Variants in WASF1 observed in about 807,000 individuals in gnomAD.
The protein encoded by WASF1 is WASP family member 1.
Under a neutral mutation model 50.5 loss-of-function variants are expected in WASF1, and 7 were observed. That is an observed-to-expected ratio of 0.14 (90% confidence interval 0.08 to 0.26). WASF1 has a LOEUF of 0.26. WASF1 is among the 10% of genes least tolerant of loss of function. WASF1 has a pLI of 1.00. For synonymous variants in WASF1, 205 were observed against 244.0 expected (o/e 0.84, Z 1.49); for missense variants, 470 against 694.7 (o/e 0.68, Z 3.64).
intron 3 of WASF1, among the ~76,000 whole-genome samples, chr6:110,158,539 C>G (rs1337363739): frequency 7.6e-6 from 1 of 130,870 alleles, no homozygotes; most frequent in Non-Finnish European, 1.6e-5. Context: ...TGAAGAGGAT[C>G]CTATTCGGCC....
intron 4 of WASF1, among the ~76,000 whole-genome samples, chr6:110,117,663 C>T (rs1016713031): frequency 6.6e-6 from 1 of 152,036 alleles, no homozygotes; most frequent in Non-Finnish European, 1.5e-5. Flanking sequence ...ATACAGATAA[C>T]ACCACAAAGA....
At chr6:110,169,716 G>T (rs747041304) in intron 2 of WASF1, among the ~76,000 whole-genome samples, 11 of 152,108 alleles carry the variant, frequency 7.2e-5, no homozygotes, top group Non-Finnish European at 1.6e-4. Context: ...TTAAATTTTA[G>T]TGACTATTGT....
At chr6:110,142,072 T>C (rs2114554813) in intron 3 of WASF1, among the ~76,000 whole-genome samples, 1 of 152,348 alleles carries the variant, frequency 6.6e-6, no homozygotes, top group South Asian at 2.1e-4. Flanking sequence ...AGCTGCTTTT[T>C]TGTATGTGCA....
chr6:110,124,783 G>C (rs1177485778), intron 4 of WASF1, among the ~76,000 whole-genome samples: 1 of 152,092 alleles, frequency 6.6e-6, no homozygotes, highest in African/African-American at 2.4e-5. Context: ...GATGGCACTC[G>C]CCTGTAATCC....
In WASF1 at chr6:110,100,251, T is replaced by C. The variant is rs1009511134; in HGVS notation, c.*271A>G. On this transcript the variant is annotated 3_prime_UTR_variant, in exon 11 of 11. Transcript: ENST00000392589. ...AGATATATCAAAAAACTGAATCTGC[T>C]ACTCTAACAACAGCTGTCCATGCTT... 3 of 276,098 alleles carry C rather than the reference T, an allele frequency of 1.1e-5. No individual in the cohort carries two copies. Among genetic ancestry groups the C allele is most frequent in the African/African-American group, 6.6e-5 (3 of 45,388 alleles). The allele number at this position is 276,098 out of a possible 1,614,324, so 17.1% of individuals were successfully genotyped here. A position where few individuals can be genotyped will look rare whatever the true frequency, so the allele number is the denominator to read the frequency against.
intron 4 of WASF1, among the ~76,000 whole-genome samples, chr6:110,117,542 G>A (rs901065093): frequency 6.6e-6 from 1 of 152,186 alleles, no homozygotes; most frequent in Non-Finnish European, 1.5e-5. Flanking sequence ...TTTGACTGGT[G>A]TACCAGAAAG....
At chr6:110,164,208 A>C (rs1163134071) in intron 2 of WASF1, among the ~76,000 whole-genome samples, 1 of 151,710 alleles carries the variant, frequency 6.6e-6, no homozygotes, top group Non-Finnish European at 1.5e-5. Context: ...GGTAAGTTGG[A>C]CTTCATTAAA....
intron 3 of WASF1, among the ~76,000 whole-genome samples, chr6:110,137,903 G>GT (rs1050980358): frequency 1.3e-5 from 2 of 152,226 alleles, no homozygotes; most frequent in Non-Finnish European, 2.9e-5. Flanking sequence ...TTCCTCCTAT[G>GT]TAAGTATCAC....
intron 8 of WASF1, among the ~76,000 whole-genome samples, chr6:110,105,159 T>C (rs1422041961): frequency 6.6e-6 from 1 of 152,130 alleles, no homozygotes; most frequent in Non-Finnish European, 1.5e-5. Context: ...ACACTAAAGC[T>C]AAAACCCTAA....
chr6:110,160,142 A>G (rs187061394), intron 3 of WASF1, among the ~76,000 whole-genome samples: 15 of 152,070 alleles, frequency 9.9e-5, no homozygotes, highest in Admixed American at 5.3e-4. Flanking sequence ...TACTTGTTAC[A>G]TCACAGTAAA....
At chr6:110,161,344 A>G (rs558701215) in intron 2 of WASF1, among the ~76,000 whole-genome samples, 1 of 151,696 alleles carries the variant, frequency 6.6e-6, no homozygotes, top group South Asian at 2.1e-4. Context: ...TAACTAGTCT[A>G]AAGTTTCATT....
At chr6:110,151,334 T>G (rs1775813976) in intron 3 of WASF1, among the ~76,000 whole-genome samples, 1 of 152,158 alleles carries the variant, frequency 6.6e-6, no homozygotes, top group Admixed American at 6.5e-5. Context: ...CATTCTAAAG[T>G]TTCATCTAGT....
Position 110,147,749 on chromosome 6 carries a change from GTAT to G in WASF1, c.-29+12883_-29+12885del, listed in dbSNP as rs1775638723. Among the ~76,000 whole-genome samples the G allele has an allele frequency of 2.6e-5, 4 of 152,210 alleles. No homozygotes were observed. The South Asian group carries it at 8.3e-4, about 32-fold the overall frequency. On this transcript the variant is annotated intron_variant, in intron 3 of 10. Coordinates refer to ENST00000392589, the MANE Select transcript of WASF1 (RefSeq NM_003931.3). ...ATAATACTGCACCAAGGTTATTACTGTATTATTTTTCTTTTGAGACAAGGTCTT... is the reference window on the plus strand; with the variant it reads ...ATAATACTGCACCAAGGTTATTACTGTATTTTTCTTTTGAGACAAGGTCTT...
At chr6:110,142,952 T>TAAAAAAAAAAAAAAAAAAAAAAAAA (rs5879060) in intron 3 of WASF1, among the ~76,000 whole-genome samples, 47 of 119,122 alleles carry the variant, frequency 3.9e-4, no homozygotes, top group South Asian at 1.4e-3. Context: ...CCCAATGATG[T>TAAAAAAAAAAAAAAAAAAAAAAAAA]AAAAAAAAAA....
chr6:110,147,219 G>A (rs1376035149), intron 3 of WASF1, among the ~76,000 whole-genome samples: 15 of 151,072 alleles, frequency 9.9e-5, no homozygotes, highest in East Asian at 1.9e-4. Context: ...GGTGGCGGGC[G>A]CCTGTAGTCC....
At chr6:110,153,170 T>C (rs1396310578) in intron 3 of WASF1, among the ~76,000 whole-genome samples, 1 of 152,140 alleles carries the variant, frequency 6.6e-6, no homozygotes, top group Non-Finnish European at 1.5e-5. Context: ...TTTTCTTGGG[T>C]AAATACTTAG....
At chr6:110,118,314 G>T (rs1287625148) in intron 4 of WASF1, among the ~76,000 whole-genome samples, 1 of 113,944 alleles carries the variant, frequency 8.8e-6, no homozygotes, top group Admixed American at 1.1e-4. Context: ...CCAAATAAAG[G>T]GAAAGAGGAA....
At chr6:110,105,638 GTTATAACAATCAAATTAAAC>G (rs1773290398) in intron 7 of WASF1, 59 bp from the exon 8 acceptor site, 4 of 1,516,742 alleles carry the variant, frequency 2.6e-6, no homozygotes. Flanking sequence ...TAAAAAGGAG[GTTATAACAATCAAATTAAAC>G]TCTAACATCA....
intron 2 of WASF1, among the ~76,000 whole-genome samples, chr6:110,167,090 A>G (rs189696533): frequency 7.2e-5 from 11 of 152,018 alleles, no homozygotes; most frequent in Non-Finnish European, 1.5e-4. Context: ...ATGCAGTGTT[A>G]GCCATCATAC....
Sources: allele counts gnomAD v4.1 joint callset (sites outside exome capture counted in the v4.1 genomes callset), GRCh38; gene constraint gnomAD v4.1.1; transcripts MANE v1.5; gene names NCBI Gene and HGNC (gene_info 2026-07-23, HGNC 2026-07-21).